PCCB: variants seen among roughly 807,000 people sequenced by gnomAD.
PCCB encodes the protein propionyl-CoA carboxylase beta chain, mitochondrial.
PCCB carries 43 observed loss-of-function variants against 60.7 expected under a neutral mutation model. That is an observed-to-expected ratio of 0.71 (90% CI 0.55 to 0.91). PCCB has a LOEUF of 0.91. PCCB is among the 40% of genes least tolerant of loss of function. The pLI is 0.00. For missense variants in PCCB, 766 were observed against 702.8 expected, an observed-to-expected ratio of 1.09 and a Z score of -1.02; for synonymous variants, 276 against 255.9, an observed-to-expected ratio of 1.08 and a Z score of -0.75.
chr3:136,323,439 A>T (rs1935179091), intron 10 of PCCB, among the ~76,000 whole-genome samples: 1 of 151,896 alleles, frequency 6.6e-6, no homozygotes, highest in Non-Finnish European at 1.5e-5. Flanking sequence ...TATTTTCCTG[A>T]TTTCCTTTAG....
intron 8 of PCCB, 37 bp from the exon 9 acceptor site, chr3:136,300,993 C>G (rs768753060): frequency 6.6e-7 from 1 of 1,518,058 alleles, no homozygotes; most frequent in Admixed American, 1.7e-5. Context: ...ACTGGCTCTT[C>G]CTATGTTGAC....
intron 10 of PCCB, chr3:136,326,194 ATTC>A (rs1935301870): frequency 3.3e-6 from 2 of 597,974 alleles, no homozygotes; most frequent in Non-Finnish European, 5.9e-6. Flanking sequence ...TTTGGTCTGT[ATTC>A]TTTTCTGATG....
At chr3:136,292,756 TAAGAGGGCA>T (rs1933756376) in intron 6 of PCCB, among the ~76,000 whole-genome samples, 1 of 152,114 alleles carries the variant, frequency 6.6e-6, no homozygotes, top group African/African-American at 2.4e-5. Context: ...TGTTAGAAGA[TAAGAGGGCA>T]AAGAGGGCAA....
intron 1 of PCCB, chr3:136,255,351 CAGG>C (rs770138608): frequency 1.0e-5 from 2 of 199,888 alleles, no homozygotes; most frequent in Non-Finnish European, 2.1e-5. Context: ...ACAGAGGAGG[CAGG>C]AGAAGAACCA....
rs758845343 is a variant in PCCB at position 136,256,600 on chromosome 3, A to G, written c.349A>G (p.Arg117Gly). The G allele has an allele frequency of 1.2e-6, 2 of 1,612,482 alleles. No homozygotes were observed. Among genetic ancestry groups the G allele is most frequent in the Non-Finnish European group, 1.7e-6 (2 of 1,178,536 alleles). ...VVTGRGRING[R>G]LVYVFSQDFT... ...CACTGGACGAGGCCGAATCAATGGA[A>G]GATTGGTTTATGTCTTCAGTCAGGT... is the stretch of plus-strand genomic sequence containing the variant. The change falls in exon 3 of 15, where the codon AGA (arginine) becomes GGA (glycine). Residue 117 changes from arginine to glycine, a missense_variant. Coordinates refer to ENST00000251654, the MANE Select transcript of PCCB (RefSeq NM_000532.5).
chr3:136,325,098 C>A (rs1378457854), intron 10 of PCCB, among the ~76,000 whole-genome samples: 1 of 152,134 alleles, frequency 6.6e-6, no homozygotes, highest in African/African-American at 2.4e-5. Context: ...CCATTTTGGC[C>A]AGGCTGGTCT....
intron 13 of PCCB, 39 bp downstream of exon 13, chr3:136,327,771 C>T (rs764301603): frequency 5.4e-6 from 8 of 1,475,180 alleles, no homozygotes; most frequent in Non-Finnish European, 7.6e-6. Flanking sequence ...GGTCCAAGGA[C>T]TCGACTCTAC....
At chr3:136,298,432 C>A (rs1934036006) in intron 8 of PCCB, among the ~76,000 whole-genome samples, 3 of 152,108 alleles carry the variant, frequency 2.0e-5, no homozygotes, top group Admixed American at 2.0e-4. Context: ...CTTTCCTTCC[C>A]CTCACCCACA....
At chr3:136,290,902 A>G (rs1347154810) in intron 6 of PCCB, among the ~76,000 whole-genome samples, 1 of 148,304 alleles carries the variant, frequency 6.7e-6, no homozygotes, top group Non-Finnish European at 1.5e-5. Context: ...TTTTTGATCC[A>G]TTTTTTTCTC....
intron 10 of PCCB, 29 bp from the exon 11 acceptor site, chr3:136,326,774 C>T (rs899051447): frequency 7.1e-7 from 1 of 1,413,294 alleles, no homozygotes; most frequent in Admixed American, 1.7e-5. Flanking sequence ...TGCCTGGATA[C>T]TCAGTATGGA....
chr3:136,293,625 A>T (rs1933800335), intron 6 of PCCB, 131 bp from the exon 7 acceptor site: 1 of 757,700 alleles, frequency 1.3e-6, no homozygotes. Flanking sequence ...TCGTATCTTT[A>T]AGCTACATCC....
chr3:136,313,894 A>G (rs1035448743), intron 9 of PCCB, among the ~76,000 whole-genome samples: 5 of 152,228 alleles, frequency 3.3e-5, no homozygotes, highest in African/African-American at 4.8e-5. Context: ...AGATTCTGCT[A>G]TCGGAGAAGG....
In PCCB at chr3:136,315,879, C is replaced by G. The variant is rs150293112; in HGVS notation, c.967-1062C>G. On this transcript the variant is annotated intron_variant, in intron 9 of 14. Transcript: ENST00000251654. Reference sequence around the variant, plus strand: ...TTATTTCCTGATTTTGATAATATCACTGTAGTTATAAAAAAGAATGTTCTT... The same window carrying G: ...TTATTTCCTGATTTTGATAATATCAGTGTAGTTATAAAAAAGAATGTTCTT... Among the ~76,000 whole-genome samples the G allele has an allele frequency of 9.5e-4, 142 of 150,048 alleles. 2 individuals are homozygous for G. In the East Asian group the frequency reaches 0.027, roughly 29 times the overall value.
chr3:136,292,778 A>G lies in PCCB; in HGVS notation c.655-978A>G, dbSNP rs151077512. Among the ~76,000 whole-genome samples the G allele has an allele frequency of 4.8e-3, 736 of 152,294 alleles. 4 individuals carry two copies. Among genetic ancestry groups the G allele is most frequent in the African/African-American group, 0.017 (695 of 41,566 alleles). On this transcript the variant is annotated intron_variant, in intron 6 of 14. Transcript: ENST00000251654. The stretch of plus-strand genomic sequence containing the variant: ...AGATAAGAGGGCAAAGAGGGCAAAT[A>G]TATATATAAATGCACATGGATGCAT...
chr3:136,329,560 C>G (rs1285390898), intron 14 of PCCB, among the ~76,000 whole-genome samples: 1 of 152,160 alleles, frequency 6.6e-6, no homozygotes, highest in African/African-American at 2.4e-5. Flanking sequence ...GACTTGTGTA[C>G]AAGGATGAAT....
intron 5 of PCCB, among the ~76,000 whole-genome samples, chr3:136,268,112 A>ATATATATG (rs1942080003): frequency 7.5e-6 from 1 of 132,496 alleles, no homozygotes; most frequent in African/African-American, 3.1e-5. Flanking sequence ...ATATATATAT[A>ATATATATG]TATATATATG....
At chr3:136,261,598 C>G (rs1941827476) in intron 4 of PCCB, among the ~76,000 whole-genome samples, 1 of 152,124 alleles carries the variant, frequency 6.6e-6, no homozygotes, top group Non-Finnish European at 1.5e-5. Flanking sequence ...CTTTGCCATT[C>G]TGTCTACTGT....
At chr3:136,300,967 A>T in intron 8 of PCCB, 63 bp from the exon 9 acceptor site, 1 of 1,253,930 alleles carries the variant, frequency 8.0e-7, no homozygotes, top group Non-Finnish European at 1.2e-6. Context: ...TTCCCACCCC[A>T]TTCCCACAAA....
At chr3:136,308,234 C>CTTT (rs71157373) in intron 9 of PCCB, among the ~76,000 whole-genome samples, 15 of 130,304 alleles carry the variant, frequency 1.2e-4, no homozygotes, top group Admixed American at 7.4e-4. Context: ...TAAGGAAGGA[C>CTTT]TTTTTTTTTT....
Sources: allele counts gnomAD v4.1 joint callset (sites outside exome capture counted in the v4.1 genomes callset), GRCh38; gene constraint gnomAD v4.1.1; transcripts MANE v1.5; gene names NCBI Gene and HGNC (gene_info 2026-07-23, HGNC 2026-07-21).